Variants in CYP2J2 observed in about 807,000 individuals in gnomAD.
CYP2J2 encodes cytochrome P450 2J2.
Under a neutral mutation model 48.8 loss-of-function variants are expected in CYP2J2, and 41 were observed. That is an observed-to-expected ratio of 0.84 (90% CI 0.66 to 1.09). CYP2J2 has a LOEUF of 1.09. Ranked by LOEUF, CYP2J2 falls within the 50% of genes least tolerant of loss-of-function variation. CYP2J2 has a pLI of 0.00. For synonymous variants in CYP2J2, 221 were observed against 227.1 expected (o/e 0.97, Z 0.24); for missense variants, 644 against 617.3 (o/e 1.04, Z -0.46).
chr1:59,930,108 T>C (rs1217302335), upstream of CYP2J2, among the ~76,000 whole-genome samples: 1 of 152,154 alleles, frequency 6.6e-6, no homozygotes, highest in Non-Finnish European at 1.5e-5. Flanking sequence ...GGCAGTAGGA[T>C]GATATATTCT....
chr1:59,920,721 A>T (rs1644504990), intron 1 of CYP2J2, among the ~76,000 whole-genome samples: 1 of 152,236 alleles, frequency 6.6e-6, no homozygotes, highest in Non-Finnish European at 1.5e-5. Flanking sequence ...AGTGCTTAAG[A>T]GTTTGGATTT....
Position 59,911,647 on chromosome 1 carries a change from T to C in CYP2J2, c.645A>G (p.Leu215=), listed in dbSNP as rs1169028313. ...AAGCCTCCAAGTATGTGACTTCATC[T>C]AGTAACTTCAGCAGCTGCTGAAACC... ...DSWFQQLLKL[L]DEVTYLEASK... Residue 215 remains leucine (L), a synonymous_variant, in exon 4 of 9, where the codon CTA becomes CTG. Coordinates refer to ENST00000371204, the MANE Select transcript of CYP2J2 (RefSeq NM_000775.4). 2 of 1,613,334 alleles carry C rather than the reference T, an allele frequency of 1.2e-6. No homozygotes were observed. The highest frequency in any genetic ancestry group is 1.7e-6 in the Non-Finnish European group (2 of 1,179,492).
At position 59,893,672 on chromosome 1, in the gene CYP2J2, G is replaced by A. The variant is rs757315138; in HGVS notation, c.1488C>T (p.Leu496=). 6.2e-7 allele frequency: 1 copy of A among 1,612,012 alleles called. No homozygotes were observed. Among genetic ancestry groups the A allele is most frequent in the Non-Finnish European group, 8.5e-7 (1 of 1,179,168 alleles). ...AATATTACACCTGAGGAACAGCGCA[G>A]AGGCGGTGACTGACTGGGGAAATGG... is the stretch of plus-strand genomic sequence containing the variant. ...GITISPVSHR[L]CAVPQV Residue 496 remains leucine (L), a synonymous_variant, in exon 9 of 9, where the codon CTC becomes CTT. Coordinates refer to ENST00000371204, the MANE Select transcript of CYP2J2 (RefSeq NM_000775.4).
intron 1 of CYP2J2, among the ~76,000 whole-genome samples, chr1:59,924,983 T>C (rs1398073266): frequency 6.6e-6 from 1 of 151,890 alleles, no homozygotes; most frequent in South Asian, 2.1e-4. Context: ...CACATACTAA[T>C]CAGAAAAAAA....
the CYP2J2 span, among the ~76,000 whole-genome samples, chr1:59,949,088 T>C: frequency 1.3e-5 from 2 of 151,852 alleles, no homozygotes; most frequent in South Asian, 4.2e-4. Flanking sequence ...ACTCTCCTGA[T>C]GGCATTCAGA....
intron 8 of CYP2J2, among the ~76,000 whole-genome samples, chr1:59,897,903 T>G (rs1159374040): frequency 6.6e-6 from 1 of 152,190 alleles, no homozygotes; most frequent in African/African-American, 2.4e-5. Flanking sequence ...AGCAACTGCA[T>G]GCCAAAAGAT....
At chr1:59,915,578 A>T (rs1294409098) in intron 2 of CYP2J2, among the ~76,000 whole-genome samples, 4 of 151,604 alleles carry the variant, frequency 2.6e-5, no homozygotes, top group Non-Finnish European at 4.4e-5. Flanking sequence ...AAGCAGCAGC[A>T]GGAGGAGGAA....
the CYP2J2 span, among the ~76,000 whole-genome samples, chr1:59,936,874 T>A: frequency 6.6e-6 from 1 of 152,208 alleles, no homozygotes; most frequent in African/African-American, 2.4e-5. Context: ...GAATAAATGT[T>A]CAGTTATTAT....
rs753334346 is a variant in CYP2J2, at chr1:59,912,220, T to C, written c.465A>G (p.Leu155=). ...LRNFGLGKKS[L]EERIQEEAQH... is the part of the protein sequence containing the mutation. ...GGGCCTCCTCCTGAATGCGTTCCTCTAAGCTCTTCTTTCCTAAACCAAAGT... is the reference window on the plus strand; with the variant it reads ...GGGCCTCCTCCTGAATGCGTTCCTCCAAGCTCTTCTTTCCTAAACCAAAGT... The change falls in exon 3 of 9, where the codon TTA becomes TTG. Residue 155 remains leucine (L), a synonymous_variant. Coordinates refer to ENST00000371204, the MANE Select transcript of CYP2J2 (RefSeq NM_000775.4). 26 of 1,613,822 alleles carry C rather than the reference T, an allele frequency of 1.6e-5. No individual in the cohort carries two copies. The highest frequency in any genetic ancestry group is 2.2e-5 in the South Asian group (2 of 91,068).
In CYP2J2 at chr1:59,919,511, T is replaced by C. The variant is rs11572229; in HGVS notation, c.211-3411A>G. Among the ~76,000 whole-genome samples, 347 of 152,354 alleles carry C rather than the reference T, an allele frequency of 2.3e-3. 3 individuals carry two copies. Among genetic ancestry groups the C allele is most frequent in the East Asian group, 0.012 (64 of 5,192 alleles). On this transcript the variant is annotated intron_variant, in intron 1 of 8. Coordinates refer to ENST00000371204, the MANE Select transcript of CYP2J2 (RefSeq NM_000775.4). Reference sequence around the variant, plus strand: ...TAAGATTCTCTCTCTCCTTAAACTGTATTTTAATATGTTGTCTCACTGTGT... The same window carrying C: ...TAAGATTCTCTCTCTCCTTAAACTGCATTTTAATATGTTGTCTCACTGTGT...
At chr1:59,937,252 A>G in the CYP2J2 span, among the ~76,000 whole-genome samples, 2 of 152,236 alleles carry the variant, frequency 1.3e-5, no homozygotes, top group Non-Finnish European at 2.9e-5. Context: ...TAAAATGGCA[A>G]GCATCTATTT....
In CYP2J2 at chr1:59,904,654, T is replaced by C. The variant is rs763807509; in HGVS notation, c.1191+217A>G. ...CACAGGAAAGAAAAGCCAGTCTTTATCTAAACATATTTAACGTAGGAATCC... is the reference window on the plus strand; with the variant it reads ...CACAGGAAAGAAAAGCCAGTCTTTACCTAAACATATTTAACGTAGGAATCC... On this transcript the variant is annotated intron_variant, in intron 7 of 8. Coordinates refer to ENST00000371204, the MANE Select transcript of CYP2J2 (RefSeq NM_000775.4). The C allele has an allele frequency of 4.1e-5, 21 of 509,762 alleles. No homozygotes were observed. The East Asian group carries it at 6.2e-4, about 15-fold the overall frequency. The allele number at this position is 509,762 out of a possible 1,614,324, so 31.6% of individuals were successfully genotyped here. A position where few individuals can be genotyped will look rare whatever the true frequency, so the allele number is the denominator to read the frequency against.
upstream of CYP2J2, among the ~76,000 whole-genome samples, chr1:59,927,170 G>A (rs1301940708): frequency 6.6e-5 from 10 of 152,070 alleles, 1 homozygote; most frequent in South Asian, 1.9e-3. Flanking sequence ...AGAAGCTCTC[G>A]GTAGTCTCAT....
chr1:59,968,134 T>C, the CYP2J2 span, among the ~76,000 whole-genome samples: 1 of 152,224 alleles, frequency 6.6e-6, no homozygotes, highest in South Asian at 2.1e-4. Context: ...AATTGGCTTA[T>C]TTGAAACCAT....
the CYP2J2 span, among the ~76,000 whole-genome samples, chr1:59,938,147 C>G: frequency 1.3e-5 from 2 of 152,116 alleles, no homozygotes; most frequent in Non-Finnish European, 2.9e-5. Context: ...TTATCTGTCT[C>G]TGGACATTGA....
upstream of CYP2J2, among the ~76,000 whole-genome samples, chr1:59,931,313 G>C (rs896787439): frequency 6.6e-6 from 1 of 152,106 alleles, no homozygotes; most frequent in African/African-American, 2.4e-5. Flanking sequence ...TCAGAGTTTA[G>C]AAATTCTGGG....
the CYP2J2 span, among the ~76,000 whole-genome samples, chr1:59,964,769 T>A: frequency 2.2e-4 from 33 of 152,250 alleles, 1 homozygote; most frequent in Non-Finnish European, 7.3e-5. Flanking sequence ...GATTGTAAAC[T>A]TTTTTTCTTG....
At position 59,907,863 on chromosome 1, in the gene CYP2J2, A is replaced by G; in HGVS notation, c.926T>C (p.Phe309Ser). ...GGAAGTTGTCTCGGTTCCGGCAAAG[A>G]AGAGGTCCAGGGTGCTGCAGATGAG... ...ENLICSTLDL[F>S]FAGTETTSTT... is the part of the protein sequence containing the mutation. Residue 309 changes from phenylalanine to serine, a missense_variant, in exon 6 of 9, where the codon TTC (phenylalanine) becomes TCC (serine). Phe to Ser is a radical substitution (Grantham distance 155). Transcript: ENST00000371204. 1.9e-6 allele frequency: 3 copies of G among 1,614,104 alleles called. No homozygotes were observed. The highest frequency in any genetic ancestry group is 2.5e-6 in the Non-Finnish European group (3 of 1,179,968).
chr1:59,933,444 A>G, the CYP2J2 span, among the ~76,000 whole-genome samples: 16 of 152,308 alleles, frequency 1.1e-4, no homozygotes, highest in African/African-American at 3.8e-4. Flanking sequence ...GATATAGTCT[A>G]TCAGAGTGGA....
Sources: gnomAD v4.1 joint callset for allele counts (sites outside exome capture counted in the v4.1 genomes callset) on GRCh38, gnomAD v4.1.1 for gene constraint, MANE v1.5 for transcripts, NCBI Gene and HGNC (gene_info 2026-07-23, HGNC 2026-07-21) for gene names.